The following FAM131B variants were observed in gnomAD, a reference collection of about 807,000 sequenced individuals.
The protein encoded by FAM131B is protein FAM131B.
A neutral mutation model predicts 42.0 loss-of-function variants in FAM131B; 19 were observed. The ratio of observed to expected loss-of-function variants is 0.45; its 90% CI spans 0.32 to 0.66. FAM131B has a LOEUF of 0.66. Ranked by LOEUF, FAM131B falls within the 30% of genes least tolerant of loss-of-function variation. The probability of loss-of-function intolerance (pLI) is 0.05; values close to 1 mark genes in which losing one functional copy is unlikely to be tolerated. For missense variants in FAM131B, 370 were observed against 468.4 expected, an observed-to-expected ratio of 0.79 and a Z score of 1.94; for synonymous variants, 183 against 177.6, an observed-to-expected ratio of 1.03 and a Z score of -0.24.
chr7:143,365,145 G>A (rs1484704058), upstream of FAM131B, among the ~76,000 whole-genome samples: 1 of 152,210 alleles, frequency 6.6e-6, no homozygotes, highest in East Asian at 1.9e-4. Flanking sequence ...CAAGAGAGGG[G>A]AAGATTAATT....
upstream of FAM131B, among the ~76,000 whole-genome samples, chr7:143,367,560 C>T (rs1338611335): frequency 6.6e-6 from 1 of 152,088 alleles, no homozygotes; most frequent in Non-Finnish European, 1.5e-5. Flanking sequence ...CAAAAATTAT[C>T]CGAGCATGGT....
the FAM131B span, among the ~76,000 whole-genome samples, chr7:143,374,461 T>C: frequency 6.6e-6 from 1 of 152,234 alleles, no homozygotes; most frequent in Non-Finnish European, 1.5e-5. Flanking sequence ...AACCTTTTAA[T>C]TGTCCTTCAC....
the FAM131B span, among the ~76,000 whole-genome samples, chr7:143,376,521 T>C: frequency 6.6e-6 from 1 of 152,332 alleles, no homozygotes; most frequent in East Asian, 1.9e-4. Flanking sequence ...TTTGTGGTTG[T>C]CAGTCCCACC....
upstream of FAM131B, among the ~76,000 whole-genome samples, chr7:143,366,357 T>C (rs1804182291): frequency 6.6e-6 from 1 of 152,174 alleles, no homozygotes; most frequent in Admixed American, 6.5e-5. Context: ...TAGTCCCTAC[T>C]TATCAATGTC....
At chr7:143,361,162 A>G (rs1354531264) in intron 1 of FAM131B, 3 of 152,570 alleles carry the variant, frequency 2.0e-5, no homozygotes, top group Admixed American at 6.5e-5. Flanking sequence ...CATTCAGCAC[A>G]TCAGCAGGGC....
chr7:143,380,071 C>A, the FAM131B span: 1 of 985,316 alleles, frequency 1.0e-6, no homozygotes, highest in African/African-American at 1.7e-5. This position sits in a 1 kb window ranked among gnomAD's most constrained non-coding sequence, Gnocchi z 5.0. Flanking sequence ...ACTGGACACT[C>A]AGTGTGAACA....
chr7:143,378,196 A>G, the FAM131B span, among the ~76,000 whole-genome samples: 1 of 152,214 alleles, frequency 6.6e-6, no homozygotes, highest in Non-Finnish European at 1.5e-5. Context: ...CAGTTGGCAT[A>G]TGGAAAGAAC....
rs1180889385 is a variant in FAM131B, at chr7:143,356,776, T to C, written c.857A>G (p.Asp286Gly). ...EPPPLLGGDTDWAPGVGAVDL... is the reference protein window; with the variant it reads ...EPPPLLGGDTGWAPGVGAVDL... ...CACTGCGCCTACCCCCGGAGCCCAG[T>C]CAGTGTCTCCCCCCAGCAAAGGTGG... The change falls in exon 7 of 7, where the codon GAC (aspartate) becomes GGC (glycine). Residue 286 changes from aspartate to glycine, a missense_variant. Coordinates refer to ENST00000443739, the MANE Select transcript of FAM131B (RefSeq NM_001031690.3). The surrounding 1 kb of genome is among the most constrained non-coding windows in gnomAD (Gnocchi z 4.4). 6.2e-7 allele frequency: 1 copy of C among 1,613,898 alleles called. No individual in the cohort carries two copies. Among genetic ancestry groups the C allele is most frequent in the African/African-American group, 1.3e-5 (1 of 74,862 alleles).
At chr7:143,368,042 C>G in the FAM131B span, among the ~76,000 whole-genome samples, 1 of 152,188 alleles carries the variant, frequency 6.6e-6, no homozygotes, top group African/African-American at 2.4e-5. Context: ...GCCAGCAGAT[C>G]GCGCCTGCAT....
At chr7:143,372,598 A>G in the FAM131B span, among the ~76,000 whole-genome samples, 6 of 152,218 alleles carry the variant, frequency 3.9e-5, no homozygotes, top group Non-Finnish European at 7.3e-5. Context: ...GAATTGAGAC[A>G]TGCTGTAAGT....
At chr7:143,365,147 A>G (rs1016474931), upstream of FAM131B, among the ~76,000 whole-genome samples, 4 of 152,344 alleles carry the variant, frequency 2.6e-5, no homozygotes, top group South Asian at 8.3e-4. Context: ...AGAGAGGGGA[A>G]GATTAATTAA....
chr7:143,364,683 A>G (rs1804139749), upstream of FAM131B, among the ~76,000 whole-genome samples: 4 of 152,086 alleles, frequency 2.6e-5, no homozygotes, highest in Admixed American at 2.6e-4. Flanking sequence ...AAAAAGTAAA[A>G]TATTCTAGGC....
At chr7:143,380,977 G>A in the FAM131B span, 1 of 279,660 alleles carries the variant, frequency 3.6e-6, no homozygotes, top group Non-Finnish European at 5.4e-6. This position sits in a 1 kb window ranked among gnomAD's most constrained non-coding sequence, Gnocchi z 5.0. Context: ...GGCTAAGCCC[G>A]GAGGGGGACG....
the FAM131B span, among the ~76,000 whole-genome samples, chr7:143,377,090 T>C: frequency 6.6e-6 from 1 of 152,142 alleles, no homozygotes; most frequent in African/African-American, 2.4e-5. Context: ...TTCTCGTAGC[T>C]GGGATTACAG....
the FAM131B span, among the ~76,000 whole-genome samples, chr7:143,378,427 G>A: frequency 6.7e-6 from 1 of 150,054 alleles, no homozygotes. Flanking sequence ...CCCTGGCCTG[G>A]TCTTAAGCTG....
chr7:143,381,207 C>A, the FAM131B span: 2 of 1,000,022 alleles, frequency 2.0e-6, no homozygotes, highest in Non-Finnish European at 2.4e-6. Context: ...GTCCGCCCTT[C>A]CCCGCTCTCC....
chr7:143,377,415 T>C, the FAM131B span, among the ~76,000 whole-genome samples: 3 of 151,872 alleles, frequency 2.0e-5, no homozygotes, highest in Non-Finnish European at 4.4e-5. Flanking sequence ...AAAGAGAAAA[T>C]GGTAGCCCAC....
chr7:143,356,829 T>C lies in FAM131B; in HGVS notation c.804A>G (p.Pro268=). ...PSLHEMGPSQ[P]ASGYSALEPP... is the part of the protein sequence containing the mutation. ...GCTCCAGAGCAGAGTATCCTGAAGCTGGTTGGGAAGGTCCCATTTCATGCA... is the reference window on the plus strand; with the variant it reads ...GCTCCAGAGCAGAGTATCCTGAAGCCGGTTGGGAAGGTCCCATTTCATGCA... The change falls in exon 7 of 7, where the codon CCA becomes CCG. Residue 268 remains proline (P), a synonymous_variant. Coordinates refer to ENST00000443739, the MANE Select transcript of FAM131B (RefSeq NM_001031690.3). The surrounding 1 kb of genome is among the most constrained non-coding windows in gnomAD (Gnocchi z 4.4). The C allele has an allele frequency of 1.2e-6, 2 of 1,614,108 alleles. No homozygotes were observed. Among genetic ancestry groups the C allele is most frequent in the East Asian group, 4.5e-5 (2 of 44,862 alleles).
chr7:143,381,299 C>A, the FAM131B span: 1 of 1,097,714 alleles, frequency 9.1e-7, no homozygotes, highest in Non-Finnish European at 1.1e-6. Context: ...CCTCCTCCTT[C>A]CGTGTGTCCC....
Sources: allele counts gnomAD v4.1 joint callset (sites outside exome capture counted in the v4.1 genomes callset), GRCh38; gene constraint gnomAD v4.1.1; non-coding constraint Gnocchi (gnomAD v3.1); transcripts MANE v1.5; gene names NCBI Gene and HGNC (gene_info 2026-07-23, HGNC 2026-07-21).